The following PRRC2C variants were observed in gnomAD, a reference collection of about 807,000 sequenced individuals.
The protein encoded by PRRC2C is proline rich coiled-coil 2C.
A neutral mutation model predicts 317.2 loss-of-function variants in PRRC2C; 72 were observed. The ratio of observed to expected loss-of-function variants is 0.23; its 90% confidence interval spans 0.19 to 0.28. The LOEUF (loss-of-function observed/expected upper bound fraction) is 0.28. PRRC2C is among the 10% of genes least tolerant of loss of function. The pLI, the probability that PRRC2C is intolerant of heterozygous loss-of-function variation, is 1.00. For missense variants in PRRC2C, 3,074 were observed against 3,459.7 expected (o/e 0.89, Z 2.80); for synonymous variants, 1,296 against 1,205.9 (o/e 1.07, Z -1.55).
chr1:171,566,547 C>A, intron 21 of PRRC2C, 45 bp from the exon 22 acceptor site: 1 of 1,497,198 alleles, frequency 6.7e-7, no homozygotes, highest in Non-Finnish European at 8.9e-7. Flanking sequence ...ATGAAAGATA[C>A]TCATCTATCA....
At position 171,542,121 on chromosome 1, in the gene PRRC2C, A is replaced by G. The variant is rs747961702; in HGVS notation, c.4655A>G (p.Asp1552Gly). The G allele has an allele frequency of 3.1e-6, 5 of 1,613,536 alleles. No homozygotes were observed. The highest frequency in any genetic ancestry group is 1.1e-5 in the South Asian group (1 of 90,938). The change falls in exon 16 of 35, where the codon GAT becomes GGT. Residue 1552 changes from aspartate to glycine, a missense_variant. This residue lies in a region of PRRC2C where 178 missense variants were observed against 163.0 expected (regional missense o/e 1.09). Coordinates refer to ENST00000647382, the MANE Select transcript of PRRC2C (RefSeq NM_001387844.1). ...AGTTTTTCTAGTCAGAGACCAGTAGATCGTCAGAATCGACGTGGCAACAAT... is the reference window on the plus strand; with the variant it reads ...AGTTTTTCTAGTCAGAGACCAGTAGGTCGTCAGAATCGACGTGGCAACAAT... ...KRSFSSQRPV[D>G]RQNRRGNNGP... is the part of the protein sequence containing the mutation.
chr1:171,572,969 G>C, intron 24 of PRRC2C, among the ~76,000 whole-genome samples: 1 of 152,068 alleles, frequency 6.6e-6, no homozygotes, highest in East Asian at 1.9e-4. Flanking sequence ...ATAAAGCATA[G>C]AAAAGTTATA....
At chr1:171,511,168 TC>T (rs1164817517) in intron 1 of PRRC2C, 1 of 150,550 alleles carries the variant, frequency 6.6e-6, no homozygotes, top group Non-Finnish European at 1.5e-5. Context: ...TTAGCCATCT[TC>T]TACCCTACTG....
At chr1:171,586,062 G>GTTTTTTTTTT (rs78928878) in intron 30 of PRRC2C, among the ~76,000 whole-genome samples, 1 of 43,504 alleles carries the variant, frequency 2.3e-5, no homozygotes, top group African/African-American at 7.8e-5. Context: ...GTCAGGTGTT[G>GTTTTTTTTTT]ATTTTTTTTT....
chr1:171,591,019 C>T (rs890959455), intron 34 of PRRC2C: 2 of 212,828 alleles, frequency 9.4e-6, no homozygotes, highest in Non-Finnish European at 1.6e-5. Context: ...ACAGATTTGA[C>T]GTAAGTATAT....
chr1:171,568,174 C>T (rs1393262480), intron 22 of PRRC2C, 73 bp from the exon 23 acceptor site: 1 of 1,480,296 alleles, frequency 6.8e-7, no homozygotes, highest in Non-Finnish European at 9.0e-7. Flanking sequence ...GATAGCGAGA[C>T]TCAAAAAAAA....
Position 171,532,601 on chromosome 1 carries a change from G to A in PRRC2C, c.1513G>A (p.Glu505Lys). The change falls in exon 12 of 35, where the codon GAA becomes AAA. Residue 505 changes from glutamate (E) to lysine (K), a missense_variant. Physicochemically the swap from Glu to Lys is moderately conservative, Grantham distance 56 (BLOSUM62 1). Coordinates refer to ENST00000647382, the MANE Select transcript of PRRC2C (RefSeq NM_001387844.1). ...GILEKQPSPEEIREREREKER... is the reference protein window; with the variant it reads ...GILEKQPSPEKIREREREKER... ...CCTGGAAAAACAACCATCTCCAGAGGAAATTAGGGAAAGGGAGCGAGAAAA... is the reference window on the plus strand; with the variant it reads ...CCTGGAAAAACAACCATCTCCAGAGAAAATTAGGGAAAGGGAGCGAGAAAA... 1 of 1,555,768 alleles carries A rather than the reference G, an allele frequency of 6.4e-7. No homozygotes were observed.
chr1:171,558,154 A>G lies in PRRC2C; in HGVS notation c.6031+11A>G. 6.2e-7 allele frequency: 1 copy of G among 1,602,654 alleles called. No individual in the cohort carries two copies. The highest frequency in any genetic ancestry group is 2.2e-5 in the East Asian group (1 of 44,784). On this transcript the variant is annotated intron_variant, in intron 19 of 34. Coordinates refer to ENST00000647382, the MANE Select transcript of PRRC2C (RefSeq NM_001387844.1). ...ATATCTCTAAGAAATGTAAGTTGCA[A>G]AAGAGAAGTGAGGGGTGGGGAATGG...
chr1:171,502,959 A>C (rs1047871885), intron 1 of PRRC2C, among the ~76,000 whole-genome samples: 5 of 152,138 alleles, frequency 3.3e-5, no homozygotes, highest in South Asian at 2.1e-4. Context: ...CTGACCTCAA[A>C]TGATTCGCCT....
intron 17 of PRRC2C, among the ~76,000 whole-genome samples, chr1:171,546,271 T>C (rs985723513): frequency 1.3e-5 from 2 of 152,218 alleles, no homozygotes; most frequent in African/African-American, 4.8e-5. Context: ...TGTATAGACA[T>C]TGTACATGTA....
intron 3 of PRRC2C, among the ~76,000 whole-genome samples, chr1:171,514,188 C>T (rs762540843): frequency 1.2e-4 from 18 of 151,924 alleles, no homozygotes; most frequent in Non-Finnish European, 2.2e-4. Context: ...GTTTATACTG[C>T]TATTTTTAAT....
intron 20 of PRRC2C, among the ~76,000 whole-genome samples, 176 bp from the exon 21 acceptor site, chr1:171,566,057 T>C (rs931158592): frequency 3.9e-5 from 6 of 152,212 alleles, no homozygotes; most frequent in Non-Finnish European, 7.3e-5. Flanking sequence ...AGTTGTTTTC[T>C]AGTACAGACA....
chr1:171,591,886 G>GCCGCCCCC lies in PRRC2C; in HGVS notation c.*39_*40insCCGCCCCC. The GCCGCCCCC allele has an allele frequency of 2.1e-6, 1 of 475,632 alleles. No homozygotes were observed. 29.5% of individuals were successfully genotyped at this position (475,632 alleles called of 1,614,324 possible). ...TTGCAGGGGATTGGGAGGGGGGCGG[G>GCCGCCCCC]AAAACATGGAGAATTAAGTCAGATA... On this transcript the variant is annotated 3_prime_UTR_variant, in exon 35 of 35. Transcript: ENST00000647382.
intron 26 of PRRC2C, among the ~76,000 whole-genome samples, 188 bp from the exon 27 acceptor site, chr1:171,579,166 A>G (rs1278421639): frequency 2.0e-5 from 3 of 152,060 alleles, no homozygotes; most frequent in African/African-American, 7.3e-5. Context: ...GTTTGTGTGT[A>G]CCTGTCTACT....
intron 1 of PRRC2C, among the ~76,000 whole-genome samples, chr1:171,494,738 C>G (rs1274795385): frequency 6.6e-6 from 1 of 152,118 alleles, no homozygotes; most frequent in East Asian, 1.9e-4. Context: ...GTGATCTACA[C>G]TAGGATTTGG....
chr1:171,522,156 T>G (rs1387260631), intron 6 of PRRC2C, 21 bp from the exon 7 acceptor site: 1 of 1,445,674 alleles, frequency 6.9e-7, no homozygotes, highest in Middle Eastern at 1.8e-4. Flanking sequence ...TTTATCACAA[T>G]TTTTTGTTTC....
chr1:171,589,453 A>G lies in PRRC2C; in HGVS notation c.8284A>G (p.Met2762Val), dbSNP rs894471682. The change falls in exon 34 of 35, where the codon ATG (methionine) becomes GTG (valine). Residue 2762 changes from methionine to valine, a missense_variant. Physicochemically the swap from Met to Val is conservative, Grantham distance 21 (BLOSUM62 1). This residue lies in a region of PRRC2C where 490 missense variants were observed against 663.1 expected (regional missense o/e 0.74). Coordinates refer to ENST00000647382, the MANE Select transcript of PRRC2C (RefSeq NM_001387844.1). ...CCCAGCGCCTGTTCAGAGGCCACCA[A>G]TGGCACTGGCCAGTCAGATGCCTCC... ...TFPAPVQRPP[M>V]ALASQMPPPL... 8 of 1,289,488 alleles carry G rather than the reference A, an allele frequency of 6.2e-6. No individual in the cohort carries two copies. The highest frequency in any genetic ancestry group is 1.1e-4 in the East Asian group (2 of 18,016). The allele number at this position is 1,289,488 out of a possible 1,614,324, so 79.9% of individuals were successfully genotyped here.
chr1:171,515,892 A>G (rs754111013), intron 5 of PRRC2C, 33 bp downstream of exon 5: 1 of 1,549,728 alleles, frequency 6.5e-7, no homozygotes, highest in Non-Finnish European at 8.7e-7. Flanking sequence ...ACAAAATGAG[A>G]TCATATTTGT....
In PRRC2C at chr1:171,583,164, A is replaced by G. The variant is rs948355760; in HGVS notation, c.7410-792A>G. Among the ~76,000 whole-genome samples, 3 of 151,844 alleles carry G rather than the reference A, an allele frequency of 2.0e-5. No homozygotes were observed. In the East Asian group the frequency reaches 5.8e-4, roughly 29 times the overall value. On this transcript the variant is annotated intron_variant, in intron 28 of 34. Coordinates refer to ENST00000647382, the MANE Select transcript of PRRC2C (RefSeq NM_001387844.1). ...AATTTTTTATTTTTTTGTAGAGATGATGTCTTGTTCTCTTGCCCAGGCTGG... is the reference window on the plus strand; with the variant it reads ...AATTTTTTATTTTTTTGTAGAGATGGTGTCTTGTTCTCTTGCCCAGGCTGG...
Sources: gnomAD v4.1 joint callset for allele counts (sites outside exome capture counted in the v4.1 genomes callset) on GRCh38, gnomAD v4.1.1 for gene constraint, gnomAD v4.1.1 regional missense constraint, MANE v1.5 for transcripts, NCBI Gene and HGNC (gene_info 2026-07-23, HGNC 2026-07-21) for gene names.